Variants in KCTD16 observed in about 807,000 individuals in gnomAD.
KCTD16 encodes BTB/POZ domain-containing protein KCTD16.
A neutral mutation model predicts 33.2 loss-of-function variants in KCTD16; 13 were observed. The observed-to-expected ratio is 0.39, with a 90% CI of 0.25 to 0.62. The LOEUF (loss-of-function observed/expected upper bound fraction) is 0.62, where lower values mean the gene tolerates loss of function less well. Ranked by LOEUF, KCTD16 falls within the 20% of genes least tolerant of loss-of-function variation. The pLI is 0.50. For synonymous variants in KCTD16, 197 were observed against 195.3 expected (o/e 1.01, Z -0.07); for missense variants, 441 against 525.1 (o/e 0.84, Z 1.57).
chr5:144,290,078 C>T (rs941281300), intron 3 of KCTD16, among the ~76,000 whole-genome samples: 5 of 151,988 alleles, frequency 3.3e-5, no homozygotes, highest in African/African-American at 9.7e-5. Context: ...TTCAGGAGTT[C>T]GAGACCAGCC....
chr5:144,421,583 A>C (rs1043502567), intron 3 of KCTD16, among the ~76,000 whole-genome samples: 3 of 152,060 alleles, frequency 2.0e-5, no homozygotes, highest in Non-Finnish European at 4.4e-5. Context: ...GTGCTGAAGG[A>C]ATTTGTTTTT....
chr5:144,305,882 G>A (rs191243202), intron 3 of KCTD16, among the ~76,000 whole-genome samples: 2 of 151,976 alleles, frequency 1.3e-5, no homozygotes, highest in East Asian at 3.9e-4. Flanking sequence ...CAAGGAGAGA[G>A]CCCTCAGAAG....
intron 2 of KCTD16, among the ~76,000 whole-genome samples, chr5:144,193,468 C>T (rs1208891230): frequency 6.6e-6 from 1 of 152,090 alleles, no homozygotes; most frequent in African/African-American, 2.4e-5. Context: ...AGCTGGCTCC[C>T]CTCCCCAGAG....
chr5:144,295,448 G>A (rs779310019), intron 3 of KCTD16, among the ~76,000 whole-genome samples: 2 of 152,208 alleles, frequency 1.3e-5, no homozygotes, highest in Non-Finnish European at 2.9e-5. Context: ...AAGCAAGGGT[G>A]AGATTCAGAC....
chr5:144,235,539 G>A (rs1178847981), intron 3 of KCTD16, among the ~76,000 whole-genome samples: 1 of 152,036 alleles, frequency 6.6e-6, no homozygotes, highest in Non-Finnish European at 1.5e-5. Flanking sequence ...TACAAAATGA[G>A]GATTTGACAG....
chr5:144,234,272 C>T (rs1262469625), intron 3 of KCTD16, among the ~76,000 whole-genome samples: 1 of 152,092 alleles, frequency 6.6e-6, no homozygotes, highest in Non-Finnish European at 1.5e-5. Context: ...CATCTCTCTC[C>T]AAGCGTGGTG....
chr5:144,434,868 A>G (rs1753541166), intron 3 of KCTD16, among the ~76,000 whole-genome samples: 1 of 152,180 alleles, frequency 6.6e-6, no homozygotes, highest in African/African-American at 2.4e-5. Flanking sequence ...ACTGGTCTTA[A>G]TATGAATGCT....
At chr5:144,367,461 T>C (rs967136403) in intron 3 of KCTD16, among the ~76,000 whole-genome samples, 13 of 152,132 alleles carry the variant, frequency 8.5e-5, no homozygotes, top group African/African-American at 3.1e-4. Context: ...TAACTTATAT[T>C]TTATTAAGGG....
chr5:144,326,098 C>T (rs1752200192), intron 3 of KCTD16, among the ~76,000 whole-genome samples: 1 of 152,082 alleles, frequency 6.6e-6, no homozygotes, highest in Admixed American at 6.6e-5. Context: ...TCTCAGAGAA[C>T]TCAACTCAGG....
At chr5:144,282,173 G>A (rs985483997) in intron 3 of KCTD16, among the ~76,000 whole-genome samples, 1 of 152,142 alleles carries the variant, frequency 6.6e-6, no homozygotes, top group African/African-American at 2.4e-5. Flanking sequence ...AAGTAGAAAG[G>A]ATCTGAAGGT....
rs577158495 is a variant in KCTD16 at position 144,282,314 on chromosome 5, C to A, written c.832+74768C>A. Reference sequence around the variant, plus strand: ...GGGAGATTCTTGGAGGGTGGCTCCCCAGAGAGGGCATAAAACTTCATGCCC... The same window carrying A: ...GGGAGATTCTTGGAGGGTGGCTCCCAAGAGAGGGCATAAAACTTCATGCCC... On this transcript the variant is annotated intron_variant, in intron 3 of 3. Transcript: ENST00000512467. Among the ~76,000 whole-genome samples, 9 of 152,172 alleles carry A rather than the reference C, an allele frequency of 5.9e-5. No individual in the cohort carries two copies. The South Asian group carries it at 1.7e-3, about 28-fold the overall frequency.
chr5:144,263,060 G>C (rs140623724), intron 3 of KCTD16, among the ~76,000 whole-genome samples: 1 of 152,374 alleles, frequency 6.6e-6, no homozygotes, highest in African/African-American at 2.4e-5. Flanking sequence ...TGCTATTAAT[G>C]ATTATGCCTG....
intron 3 of KCTD16, among the ~76,000 whole-genome samples, chr5:144,344,906 G>A (rs921716244): frequency 5.2e-4 from 79 of 151,590 alleles, no homozygotes; most frequent in African/African-American, 1.7e-3. Flanking sequence ...ACATGCACAC[G>A]TATGTTTATT....
In KCTD16 at chr5:144,270,948, A is replaced by G. The variant is rs73312737; in HGVS notation, c.832+63402A>G. ...AAAAGAACAAATTTGTAGAAACACAAAACTTACCATGACTAAATCATGAAA... is the reference window on the plus strand; with the variant it reads ...AAAAGAACAAATTTGTAGAAACACAGAACTTACCATGACTAAATCATGAAA... On this transcript the variant is annotated intron_variant, in intron 3 of 3. Coordinates refer to ENST00000512467, the MANE Select transcript of KCTD16 (RefSeq NM_020768.4). Among the ~76,000 whole-genome samples the G allele has an allele frequency of 2.7e-3, 408 of 152,070 alleles. 4 individuals are homozygous for G. The highest frequency in any genetic ancestry group is 8.4e-3 in the African/African-American group (350 of 41,558).
chr5:144,191,620 G>A (rs1017406990), intron 2 of KCTD16, among the ~76,000 whole-genome samples: 9 of 152,072 alleles, frequency 5.9e-5, no homozygotes, highest in Admixed American at 3.3e-4. Flanking sequence ...AAGACAGCTG[G>A]CTGAGTTATC....
At chr5:144,427,284 C>T (rs72802403) in intron 3 of KCTD16, among the ~76,000 whole-genome samples, 6,288 of 152,126 alleles carry the variant, frequency 0.041, 166 homozygotes, top group Non-Finnish European at 0.063. Context: ...TGATCTTCTA[C>T]TCAGGATTCA....
intron 3 of KCTD16, among the ~76,000 whole-genome samples, chr5:144,260,259 G>A (rs1313410940): frequency 6.6e-6 from 1 of 152,190 alleles, no homozygotes; most frequent in African/African-American, 2.4e-5. Context: ...GGTCTAGGAT[G>A]CACTCAAGAA....
chr5:144,473,529 C>T, intron 3 of KCTD16, 131 bp from the exon 4 acceptor site: 1 of 942,394 alleles, frequency 1.1e-6, no homozygotes, highest in Non-Finnish European at 1.6e-6. Context: ...TGGGTGCCAC[C>T]CCACTTTTTC....
chr5:144,175,842 A>G (rs1437020618), intron 2 of KCTD16, among the ~76,000 whole-genome samples: 2 of 152,210 alleles, frequency 1.3e-5, no homozygotes, highest in African/African-American at 2.4e-5. Flanking sequence ...TGATGAATCT[A>G]TGTAGCTACA....
Sources: gnomAD v4.1 joint callset for allele counts (sites outside exome capture counted in the v4.1 genomes callset) on GRCh38, gnomAD v4.1.1 for gene constraint, MANE v1.5 for transcripts, NCBI Gene and HGNC (gene_info 2026-07-23, HGNC 2026-07-21) for gene names.